NPAS2: variants seen among roughly 807,000 people sequenced by gnomAD.
The protein encoded by NPAS2 is neuronal PAS domain-containing protein 2.
NPAS2 carries 23 observed loss-of-function variants against 107.5 expected under a neutral mutation model. That is an observed-to-expected ratio of 0.21 (90% confidence interval 0.15 to 0.30). NPAS2 has a LOEUF of 0.30. Ranked by LOEUF, NPAS2 falls within the 10% of genes least tolerant of loss-of-function variation. The pLI, the probability that NPAS2 is intolerant of heterozygous loss-of-function variation, is 1.00. For synonymous variants in NPAS2, 403 were observed against 417.5 expected (o/e 0.97, Z 0.42); for missense variants, 756 against 1,043.3 (o/e 0.72, Z 3.79).
At chr2:100,880,909 A>G (rs1158895100) in intron 1 of NPAS2, among the ~76,000 whole-genome samples, 1 of 152,134 alleles carries the variant, frequency 6.6e-6, no homozygotes, top group Non-Finnish European at 1.5e-5. Flanking sequence ...ACTCATAAAT[A>G]CAACTAGTAG....
intron 1 of NPAS2, among the ~76,000 whole-genome samples, chr2:100,901,855 G>A (rs1000515588): frequency 7.9e-5 from 12 of 151,822 alleles, no homozygotes; most frequent in African/African-American, 2.2e-4. Context: ...GATCCCACCC[G>A]CCTTCTGCTT....
intron 20 of NPAS2, chr2:100,995,083 G>C (rs1262791571): frequency 3.0e-5 from 10 of 335,514 alleles, no homozygotes; most frequent in Non-Finnish European, 4.3e-5. Flanking sequence ...AAAACATTGT[G>C]GCTACATGTA....
chr2:100,836,031 G>C (rs1485708619), intron 1 of NPAS2, among the ~76,000 whole-genome samples: 1 of 152,066 alleles, frequency 6.6e-6, no homozygotes, highest in East Asian at 1.9e-4. Flanking sequence ...ACTGATTAAG[G>C]GCAGTTCAGA....
intron 1 of NPAS2, among the ~76,000 whole-genome samples, chr2:100,830,166 A>G (rs1199441497): frequency 6.6e-6 from 1 of 152,216 alleles, no homozygotes; most frequent in Non-Finnish European, 1.5e-5. Flanking sequence ...TCATCAGACT[A>G]CGTGCAATAA....
intron 1 of NPAS2, among the ~76,000 whole-genome samples, chr2:100,841,262 C>T (rs921219668): frequency 6.6e-6 from 1 of 152,158 alleles, no homozygotes; most frequent in Non-Finnish European, 1.5e-5. Context: ...TGGCAAAACT[C>T]TTTCTCTACT....
chr2:100,979,290 T>C (rs537870169), intron 15 of NPAS2, among the ~76,000 whole-genome samples: 1 of 151,878 alleles, frequency 6.6e-6, no homozygotes, highest in East Asian at 1.9e-4. Flanking sequence ...CCAAGGCCTA[T>C]TTGGTAAGAA....
chr2:100,844,305 T>G (rs530024434), intron 1 of NPAS2, among the ~76,000 whole-genome samples: 1 of 152,292 alleles, frequency 6.6e-6, no homozygotes, highest in South Asian at 2.1e-4. Context: ...TTACCCAGGA[T>G]GTTGGGAGAG....
chr2:100,901,561 C>CTAAGACGCTAAAGGAGACATGG, intron 1 of NPAS2: 1 of 984,854 alleles, frequency 1.0e-6, no homozygotes, highest in Non-Finnish European at 1.2e-6. Context: ...TGCAGAGGAT[C>CTAAGACGCTAAAGGAGACATGG]CTGCAGACAT....
chr2:100,832,618 G>A (rs537973268), intron 1 of NPAS2, among the ~76,000 whole-genome samples: 3 of 152,036 alleles, frequency 2.0e-5, no homozygotes, highest in Admixed American at 6.6e-5. Flanking sequence ...TTCTCCTCTC[G>A]CCATGCCTGG....
rs1336336434 is a variant in NPAS2, at chr2:100,995,964, T to G, written c.*382T>G. 1.1e-5 allele frequency: 14 copies of G among 1,323,030 alleles called. No individual in the cohort carries two copies. Among genetic ancestry groups the G allele is most frequent in the Non-Finnish European group, 1.4e-5 (14 of 1,013,640 alleles). The allele number at this position is 1,323,030 out of a possible 1,614,324, so 82.0% of individuals were successfully genotyped here. On this transcript the variant is annotated 3_prime_UTR_variant, in exon 21 of 21. Coordinates refer to ENST00000335681, the MANE Select transcript of NPAS2 (RefSeq NM_002518.4). ...CATCTGCGCTAGCTGGCCTTCACGC[T>G]CTTGATCGTCTTTCCTTTGTATTGG...
intron 2 of NPAS2, among the ~76,000 whole-genome samples, chr2:100,919,456 G>A (rs1683088984): frequency 6.6e-6 from 1 of 152,040 alleles, no homozygotes; most frequent in South Asian, 2.1e-4. Flanking sequence ...AAGTTTGACT[G>A]AGCCTTGCTT....
chr2:100,984,262 T>C (rs894410844), intron 16 of NPAS2: 2 of 152,258 alleles, frequency 1.3e-5, no homozygotes, highest in Non-Finnish European at 2.9e-5. Context: ...CTGCCTTGTT[T>C]TTTTGTAAGA....
intron 1 of NPAS2, among the ~76,000 whole-genome samples, chr2:100,882,154 T>A (rs1680390601): frequency 6.6e-6 from 1 of 152,202 alleles, no homozygotes; most frequent in African/African-American, 2.4e-5. Context: ...AAGTTCAGTG[T>A]ACCCACCACC....
At chr2:100,877,378 T>C (rs1442462999) in intron 1 of NPAS2, among the ~76,000 whole-genome samples, 1 of 127,880 alleles carries the variant, frequency 7.8e-6, no homozygotes, top group African/African-American at 3.0e-5. Context: ...GGCAGAAGAA[T>C]GGCATGAACC....
chr2:100,854,720 A>G (rs1335290484), intron 1 of NPAS2, among the ~76,000 whole-genome samples: 1 of 152,194 alleles, frequency 6.6e-6, no homozygotes, highest in African/African-American at 2.4e-5. Flanking sequence ...TTAAAACTGT[A>G]TGGCAGGAAT....
intron 5 of NPAS2, among the ~76,000 whole-genome samples, chr2:100,943,433 C>T (rs1558895793): frequency 6.6e-6 from 1 of 152,226 alleles, no homozygotes; most frequent in Non-Finnish European, 1.5e-5. Context: ...GATCTGGACA[C>T]AAGTTGTGGG....
intron 1 of NPAS2, among the ~76,000 whole-genome samples, chr2:100,903,054 AC>A (rs1283267804): frequency 6.6e-6 from 1 of 152,218 alleles, no homozygotes; most frequent in Non-Finnish European, 1.5e-5. Flanking sequence ...TTAGTTTATG[AC>A]TCAGCAACCC....
chr2:100,840,019 T>G (rs982006513), intron 1 of NPAS2, among the ~76,000 whole-genome samples: 6 of 152,180 alleles, frequency 3.9e-5, no homozygotes, highest in African/African-American at 1.4e-4. Context: ...ATTCAGGGAA[T>G]TTTATGCTTT....
At chr2:100,966,927 A>C (rs1367559556) in intron 10 of NPAS2, among the ~76,000 whole-genome samples, 2 of 152,160 alleles carry the variant, frequency 1.3e-5, no homozygotes, top group Non-Finnish European at 2.9e-5. Flanking sequence ...GAGGGAAGGA[A>C]GAATAGGCTT....
Sources: allele counts gnomAD v4.1 joint callset (sites outside exome capture counted in the v4.1 genomes callset), GRCh38; gene constraint gnomAD v4.1.1; transcripts MANE v1.5; gene names NCBI Gene and HGNC (gene_info 2026-07-23, HGNC 2026-07-21).